Variants in OPRM1 observed in about 807,000 individuals in gnomAD.
OPRM1 encodes the protein opioid receptor mu 1.
Under a neutral mutation model 31.8 loss-of-function variants are expected in OPRM1, and 27 were observed. That is an observed-to-expected ratio of 0.85 (90% CI 0.63 to 1.17). The LOEUF (loss-of-function observed/expected upper bound fraction) is 1.17, where lower values mean the gene tolerates loss of function less well. Among genes scored for constraint, OPRM1 ranks in the 50% most tolerant of loss-of-function variants. The pLI is 0.00. For synonymous variants in OPRM1, 196 were observed against 189.9 expected, an observed-to-expected ratio of 1.03 and a Z score of -0.26; for missense variants, 536 against 511.1, an observed-to-expected ratio of 1.05 and a Z score of -0.47.
chr6:154,051,646 A>G lies in OPRM1; in HGVS notation c.290+11812A>G, dbSNP rs555662880. Among the ~76,000 whole-genome samples, 18 of 152,350 alleles carry G rather than the reference A, an allele frequency of 1.2e-4. No individual in the cohort carries two copies. The East Asian group carries it at 3.1e-3, about 26-fold the overall frequency. On this transcript the variant is annotated intron_variant, in intron 1 of 3. Coordinates refer to ENST00000330432, the MANE Select transcript of OPRM1 (RefSeq NM_000914.5). ...CAATGAGAACCATCTCATGCCAGTC[A>G]GAATGGCGATTATTAAAACATCAAG...
intron 1 of OPRM1, among the ~76,000 whole-genome samples, chr6:154,042,250 G>A (rs1327466465): frequency 1.3e-5 from 2 of 152,164 alleles, no homozygotes; most frequent in East Asian, 1.9e-4. Flanking sequence ...AGCATCTGGG[G>A]ACTGAAGCAA....
intron 1 of OPRM1, among the ~76,000 whole-genome samples, chr6:154,066,823 T>C (rs1785509794): frequency 6.6e-6 from 1 of 152,158 alleles, no homozygotes. Context: ...CCTCCAGAAC[T>C]ACAAAAAACA....
chr6:154,016,075 G>C (rs1018786031), intron 1 of OPRM1, among the ~76,000 whole-genome samples: 5 of 152,104 alleles, frequency 3.3e-5, no homozygotes, highest in African/African-American at 1.2e-4. Context: ...ACATATGCGT[G>C]TATCCTTTGA....
At chr6:154,152,241 GAAA>G (rs1798521465) in intron 3 of OPRM1, among the ~76,000 whole-genome samples, 1 of 123,540 alleles carries the variant, frequency 8.1e-6, no homozygotes, top group African/African-American at 3.2e-5. Flanking sequence ...AAAGAGAAAA[GAAA>G]AAGAAGAAAG....
chr6:154,070,671 A>T (rs1268422120), intron 1 of OPRM1, among the ~76,000 whole-genome samples: 1 of 152,258 alleles, frequency 6.6e-6, no homozygotes, highest in East Asian at 1.9e-4. Flanking sequence ...CAGCAACTTG[A>T]CTAACATCAC....
At chr6:154,246,865 A>AC (rs1781082797) in exon 4 of OPRM1, 2 of 1,254,912 alleles carry the variant, frequency 1.6e-6, no homozygotes, top group Non-Finnish European at 2.1e-6. Context: ...TTAATTGTTA[A>AC]CCCCCCGGGG....
At chr6:154,107,108 A>G (rs1460835389) in intron 3 of OPRM1, among the ~76,000 whole-genome samples, 1 of 152,224 alleles carries the variant, frequency 6.6e-6, no homozygotes, top group Non-Finnish European at 1.5e-5. Flanking sequence ...CAGAAGATTC[A>G]GCACTTGTAA....
chr6:154,113,754 C>G (rs975575917), intron 3 of OPRM1, among the ~76,000 whole-genome samples: 5 of 152,192 alleles, frequency 3.3e-5, no homozygotes, highest in African/African-American at 1.2e-4. Context: ...GATGATAAAT[C>G]CAGCTGATAA....
At chr6:154,088,520 C>T (rs1791202560) in intron 1 of OPRM1, among the ~76,000 whole-genome samples, 1 of 152,132 alleles carries the variant, frequency 6.6e-6, no homozygotes, top group South Asian at 2.1e-4. Context: ...AGCATCAAAA[C>T]ACTTATGGGT....
At chr6:154,151,168 G>A (rs547788304) in intron 3 of OPRM1, among the ~76,000 whole-genome samples, 13 of 152,196 alleles carry the variant, frequency 8.5e-5, no homozygotes, top group Non-Finnish European at 1.6e-4. Flanking sequence ...CCTTACGATC[G>A]GTATCCTGGG....
At chr6:154,233,005 G>C (rs551837053) in intron 3 of OPRM1, among the ~76,000 whole-genome samples, 25 of 121,760 alleles carry the variant, frequency 2.1e-4, no homozygotes, top group Admixed American at 1.7e-3. Context: ...TCTTATTCTT[G>C]TCACCCAGGC....
chr6:154,190,325 T>C (rs1286366751), intron 3 of OPRM1, among the ~76,000 whole-genome samples: 1 of 151,780 alleles, frequency 6.6e-6, no homozygotes, highest in African/African-American at 2.4e-5. Context: ...CCAAAGAAAG[T>C]ATATACAAAA....
At chr6:154,184,872 G>A (rs1281102478) in intron 3 of OPRM1, among the ~76,000 whole-genome samples, 1 of 150,520 alleles carries the variant, frequency 6.6e-6, no homozygotes, top group Non-Finnish European at 1.5e-5. Context: ...CTTAAATACA[G>A]ATAAAAATAA....
chr6:154,053,218 G>A (rs550251832), intron 1 of OPRM1, among the ~76,000 whole-genome samples: 8 of 152,216 alleles, frequency 5.3e-5, no homozygotes, highest in Non-Finnish European at 7.4e-5. Flanking sequence ...CAGTATTTTC[G>A]TCTTCAATCT....
intron 3 of OPRM1, among the ~76,000 whole-genome samples, chr6:154,184,930 CA>C (rs1201034083): frequency 6.6e-6 from 1 of 151,878 alleles, no homozygotes; most frequent in Non-Finnish European, 1.5e-5. Flanking sequence ...TCACAAGAAA[CA>C]AACATATTTC....
At chr6:154,115,869 T>G (rs973140994) in intron 3 of OPRM1, among the ~76,000 whole-genome samples, 3 of 152,246 alleles carry the variant, frequency 2.0e-5, no homozygotes, top group Admixed American at 6.5e-5. Context: ...TCGCTAGATA[T>G]CTGGACTGAG....
chr6:154,212,832 C>T (rs1250920211), intron 3 of OPRM1: 1 of 1,613,050 alleles, frequency 6.2e-7, no homozygotes, highest in Non-Finnish European at 8.5e-7. Flanking sequence ...TCTGGATCTT[C>T]CTGTTCACTT....
rs1256744737 is a variant in OPRM1, at chr6:154,131,512, A to G, written c.*12791A>G. On this transcript the variant is annotated 3_prime_UTR_variant, in exon 4 of 4. Coordinates refer to ENST00000330432, the MANE Select transcript of OPRM1 (RefSeq NM_000914.5). ...GTTTCCTTGACAGTGTTGGGGGTGA[A>G]ATAAAAGATAGACCCCTGCTGCTCT... is the stretch of plus-strand genomic sequence containing the variant. 6.6e-6 allele frequency among the ~76,000 whole-genome samples: 1 copy of G among 152,226 alleles called. No homozygotes were observed. The highest frequency in any genetic ancestry group is 1.5e-5 in the Non-Finnish European group (1 of 68,038).
chr6:154,089,046 A>C (rs1038974154), intron 1 of OPRM1, among the ~76,000 whole-genome samples: 1 of 152,132 alleles, frequency 6.6e-6, no homozygotes, highest in Admixed American at 6.5e-5. Context: ...CCTTTGCCTT[A>C]TGCTCTGTGA....
Sources: gnomAD v4.1 joint callset for allele counts (sites outside exome capture counted in the v4.1 genomes callset) on GRCh38, gnomAD v4.1.1 for gene constraint, MANE v1.5 for transcripts, NCBI Gene and HGNC (gene_info 2026-07-23, HGNC 2026-07-21) for gene names.